The following TMC3 variants were observed in gnomAD, a reference collection of about 807,000 sequenced individuals.
TMC3 encodes the protein transmembrane channel like 3, also known as transmembrane channel-like protein 3.
A neutral mutation model predicts 110.6 loss-of-function variants in TMC3; 98 were observed. The observed-to-expected ratio is 0.89, with a 90% CI of 0.75 to 1.05. The LOEUF is 1.05. TMC3 is among the 50% of genes least tolerant of loss of function. The pLI is 0.00. For synonymous variants in TMC3, 489 were observed against 513.1 expected (o/e 0.95, Z 0.63); for missense variants, 1,319 against 1,373.2 (o/e 0.96, Z 0.62).
At position 81,339,513 on chromosome 15, in the gene TMC3, A is replaced by G; in HGVS notation, c.1845-9T>C. The G allele has an allele frequency of 2.5e-6, 4 of 1,579,288 alleles. No individual in the cohort carries two copies. The highest frequency in any genetic ancestry group is 8.6e-7 in the Non-Finnish European group (1 of 1,160,366). On this transcript the variant is annotated splice_polypyrimidine_tract_variant and intron_variant, in intron 16 of 21. Coordinates refer to ENST00000359440, the MANE Select transcript of TMC3 (RefSeq NM_001080532.3). ...AGTAGAAGTTGTTGGATCTGCAGAT[A>G]AATCAGATGTCATGTGTTAAGTTCA...
chr15:81,373,444 A>G (rs1040806484), intron 1 of TMC3, among the ~76,000 whole-genome samples: 3 of 152,230 alleles, frequency 2.0e-5, no homozygotes, highest in African/African-American at 4.8e-5. Flanking sequence ...GTATTCATCT[A>G]TGACTATTAG....
intron 7 of TMC3, among the ~76,000 whole-genome samples, chr15:81,357,000 G>A (rs1470897396): frequency 2.6e-5 from 4 of 152,104 alleles, no homozygotes; most frequent in African/African-American, 9.7e-5. Flanking sequence ...GGGACTCCAC[G>A]TAACGTGCTG....
At position 81,332,958 on chromosome 15, in the gene TMC3, G is replaced by A; in HGVS notation, c.2764C>T (p.Pro922Ser). 1 of 1,612,636 alleles carries A rather than the reference G, an allele frequency of 6.2e-7. No individual in the cohort carries two copies. The highest frequency in any genetic ancestry group is 8.5e-7 in the Non-Finnish European group (1 of 1,179,264). The change falls in exon 22 of 22, where the codon CCC becomes TCC. Residue 922 changes from proline to serine, a missense_variant. Physicochemically the swap from Pro to Ser is moderately conservative, Grantham distance 74. Coordinates refer to ENST00000359440, the MANE Select transcript of TMC3 (RefSeq NM_001080532.3). ...DASGDIVELY[P>S]RNVRQYASRV... Reference sequence around the variant, plus strand: ...GATGCATATTGTCGCACGTTCCTGGGGTACAGCTCCACAATGTCACCTGAA... The same window carrying A: ...GATGCATATTGTCGCACGTTCCTGGAGTACAGCTCCACAATGTCACCTGAA...
intron 5 of TMC3, among the ~76,000 whole-genome samples, chr15:81,359,119 G>C (rs1487788946): frequency 2.0e-5 from 3 of 152,124 alleles, no homozygotes; most frequent in Non-Finnish European, 4.4e-5. Flanking sequence ...ACATCCACTG[G>C]TTGATATACT....
rs1894071177 is a variant in TMC3 at position 81,356,693 on chromosome 15, C to T, written c.744-99G>A. On this transcript the variant is annotated intron_variant, in intron 7 of 21. Transcript: ENST00000359440. ...TTGTGTGAATTAGCATAGGCTGCAC[C>T]CCTCTGGGTGGACGCAGCTCCTCGG... 5 of 1,340,582 alleles carry T rather than the reference C, an allele frequency of 3.7e-6. No individual in the cohort carries two copies. The Admixed American group carries it at 7.4e-5, about 20-fold the overall frequency. The allele number at this position is 1,340,582 out of a possible 1,614,324, so 83.0% of individuals were successfully genotyped here. A position where few individuals can be genotyped will look rare whatever the true frequency, so the allele number is the denominator to read the frequency against.
chr15:81,368,348 A>G lies in TMC3; in HGVS notation c.237-20T>C, dbSNP rs1894362736. 1 of 1,596,192 alleles carries G rather than the reference A, an allele frequency of 6.3e-7. No individual in the cohort carries two copies. ...GCTTGTCTAAGAGAAGAAAAACATG[A>G]TGGTGAACACAATTGTATCACACTT... On this transcript the variant is annotated intron_variant, in intron 2 of 21. Transcript: ENST00000359440.
chr15:81,347,900 G>A (rs1596084512), intron 11 of TMC3, among the ~76,000 whole-genome samples: 1 of 151,952 alleles, frequency 6.6e-6, no homozygotes, highest in Non-Finnish European at 1.5e-5. Context: ...CCAGTGGGCT[G>A]AGAGGCTCAT....
chr15:81,354,412 G>T (rs1894013925), intron 9 of TMC3, among the ~76,000 whole-genome samples: 1 of 152,174 alleles, frequency 6.6e-6, no homozygotes, highest in South Asian at 2.1e-4. Context: ...AGAACTGTTT[G>T]CCCAGTGTGA....
chr15:81,350,402 AT>A (rs1893922621), intron 10 of TMC3, among the ~76,000 whole-genome samples: 1 of 150,948 alleles, frequency 6.6e-6, no homozygotes, highest in African/African-American at 2.5e-5. Context: ...TACATGGAAG[AT>A]TAATTATCTA....
Position 81,332,426 on chromosome 15 carries a change from T to C in TMC3, c.3296A>G (p.Asp1099Gly). The C allele has an allele frequency of 1.2e-6, 2 of 1,603,720 alleles. No homozygotes were observed. The highest frequency in any genetic ancestry group is 1.1e-5 in the South Asian group (1 of 89,586). Residue 1099 changes from aspartate (D) to glycine (G), a missense_variant, in exon 22 of 22, where the codon GAT (aspartate) becomes GGT (glycine). Physicochemically the swap from Asp to Gly is moderately conservative, Grantham distance 94. Coordinates refer to ENST00000359440, the MANE Select transcript of TMC3 (RefSeq NM_001080532.3). ...CGGGACACTGGAGGAAGCCTAGACA[T>C]CTGAACAAATCAAGTCATCCAGATC... ...TVDLDDLICS[D>G]V
intron 14 of TMC3, 88 bp downstream of exon 14, chr15:81,343,829 A>G (rs907274334): frequency 1.4e-6 from 2 of 1,455,764 alleles, no homozygotes; most frequent in Admixed American, 1.8e-5. Context: ...GTCCCCCTCA[A>G]CTATGCTGGA....
intron 2 of TMC3, among the ~76,000 whole-genome samples, chr15:81,369,008 C>T (rs1894377726): frequency 6.6e-6 from 1 of 152,104 alleles, no homozygotes; most frequent in Non-Finnish European, 1.5e-5. Flanking sequence ...AAGTCAAGGG[C>T]TCTTAGAGAG....
Position 81,349,553 on chromosome 15 carries a change from G to A in TMC3, c.1098C>T (p.Val366=), listed in dbSNP as rs772545875. The A allele has an allele frequency of 1.3e-6, 2 of 1,539,126 alleles. No homozygotes were observed. Among genetic ancestry groups the A allele is most frequent in the South Asian group, 1.3e-5 (1 of 79,544 alleles). Residue 366 remains valine, a synonymous_variant, in exon 11 of 22, where the codon GTC becomes GTT. Coordinates refer to ENST00000359440, the MANE Select transcript of TMC3 (RefSeq NM_001080532.3). The part of the protein sequence containing the change: ...LWEKNEVSVV[V]SLVTMIAPSA... ...ATGGTGCTATCATGGTGACGAGGGA[G>A]ACCACCACACTGACCTGCTGAGAGA...
intron 12 of TMC3, among the ~76,000 whole-genome samples, chr15:81,345,487 G>A (rs1034679622): frequency 6.6e-5 from 10 of 152,160 alleles, no homozygotes; most frequent in Non-Finnish European, 1.5e-4. Context: ...AGTGTGATAT[G>A]CCTTGGGCAA....
At chr15:81,333,722 T>A (rs1893527200) in intron 21 of TMC3, among the ~76,000 whole-genome samples, 1 of 152,080 alleles carries the variant, frequency 6.6e-6, no homozygotes. Flanking sequence ...GGTACGGTGG[T>A]TCACATTTGT....
intron 3 of TMC3, 28 bp downstream of exon 3, chr15:81,368,225 G>A (rs759090279): frequency 2.7e-5 from 43 of 1,585,284 alleles, no homozygotes; most frequent in South Asian, 4.4e-5. Context: ...GAGCCACCGC[G>A]CCCAGCCACA....
In TMC3 at chr15:81,334,153, GCTAA is replaced by G. The variant is rs144766398; in HGVS notation, c.2459+563_2459+566del. ...TATATAACAAGACTTCAAGTTCTTT[GCTAA>G]CTTAGTCATTATCTTTAAAAAAGAG... On this transcript the variant is annotated intron_variant, in intron 21 of 21. Coordinates refer to ENST00000359440, the MANE Select transcript of TMC3 (RefSeq NM_001080532.3). Among the ~76,000 whole-genome samples the G allele has an allele frequency of 7.7e-3, 1,169 of 151,970 alleles. 10 individuals are homozygous for G. The highest frequency in any genetic ancestry group is 0.012 in the Non-Finnish European group (808 of 67,942).
At position 81,356,594 on chromosome 15, in the gene TMC3, C is replaced by G. The variant is rs1262114181; in HGVS notation, c.744G>C (p.Lys248Asn). Residue 248 changes from lysine to asparagine, a missense_variant and splice_region_variant, in exon 8 of 22, where the codon AAG (lysine) becomes AAC (asparagine). Transcript: ENST00000359440. ...FAYSFIILLK[K>N]MAKNSRTSLA... ...GACTCGTGCGGGAGTTCTTAGCCAT[C>G]CTGCAAAAGAGGAGCACAAACAGGT... 1 of 1,586,312 alleles carries G rather than the reference C, an allele frequency of 6.3e-7. No individual in the cohort carries two copies. The highest frequency in any genetic ancestry group is 1.3e-5 in the African/African-American group (1 of 74,344).
intron 9 of TMC3, among the ~76,000 whole-genome samples, chr15:81,352,694 C>T (rs888624001): frequency 3.3e-5 from 5 of 152,298 alleles, no homozygotes; most frequent in Non-Finnish European, 4.4e-5. Context: ...CACCTCCGTG[C>T]GTGTTATGGC....
Sources: gnomAD v4.1 joint callset for allele counts (sites outside exome capture counted in the v4.1 genomes callset) on GRCh38, gnomAD v4.1.1 for gene constraint, MANE v1.5 for transcripts, NCBI Gene and HGNC (gene_info 2026-07-23, HGNC 2026-07-21) for gene names.